The following SLC8A1 variants were observed in gnomAD, a reference collection of about 807,000 sequenced individuals.
SLC8A1 encodes the protein sodium/calcium exchanger 1.
In SLC8A1, 18 loss-of-function variants were observed where a neutral mutation model predicts 68.3. The observed-to-expected ratio is 0.26, with a 90% CI of 0.18 to 0.39. The LOEUF is 0.39. Ranked by LOEUF, SLC8A1 falls within the 10% of genes least tolerant of loss-of-function variation. SLC8A1 has a pLI of 1.00. For missense variants in SLC8A1, 985 were observed against 1,156.7 expected (o/e 0.85, Z 2.15); for synonymous variants, 475 against 415.5 (o/e 1.14, Z -1.74).
intron 2 of SLC8A1, among the ~76,000 whole-genome samples, chr2:40,182,528 T>G (rs408662): frequency 0.11 from 16,399 of 152,222 alleles, 1,033 homozygotes; most frequent in Middle Eastern, 0.19. Flanking sequence ...AAAGATCAAT[T>G]TATTCAGTGG....
intron 2 of SLC8A1, among the ~76,000 whole-genome samples, chr2:40,278,120 A>C (rs1164817064): frequency 3.3e-5 from 5 of 152,030 alleles, no homozygotes; most frequent in Admixed American, 2.0e-4. Flanking sequence ...CTTTTAATAT[A>C]CAATGGTTAT....
intron 2 of SLC8A1, among the ~76,000 whole-genome samples, chr2:40,382,916 C>T (rs1387929563): frequency 6.6e-6 from 1 of 152,098 alleles, no homozygotes; most frequent in East Asian, 1.9e-4. Context: ...TTGGTTGATT[C>T]ATTCATTAAT....
chr2:40,377,887 C>A lies in SLC8A1; in HGVS notation c.1808+50586G>T, dbSNP rs932535366. Among the ~76,000 whole-genome samples the A allele has an allele frequency of 9.9e-5, 15 of 152,118 alleles. 1 individual carries two copies. Among genetic ancestry groups the A allele is most frequent in the African/African-American group, 2.4e-5 (1 of 41,430 alleles). On this transcript the variant is annotated intron_variant, in intron 2 of 7. Coordinates refer to ENST00000406785, the Ensembl canonical transcript of SLC8A1. ...AGACTGAAATCTTGTGTCCTATGGT[C>A]ATCAATTCAAAATGTTTTTATTTCA... is the stretch of plus-strand genomic sequence containing the variant.
At position 40,175,277 on chromosome 2, in the gene SLC8A1, C is replaced by T. The variant is rs1198554683; in HGVS notation, c.1913-435G>A. Reference sequence around the variant, plus strand: ...AATGCTTACCAAGCTCATTCAATAACAGGGCTGTGAAGGAAACAGACAAAG... The same window carrying T: ...AATGCTTACCAAGCTCATTCAATAATAGGGCTGTGAAGGAAACAGACAAAG... On this transcript the variant is annotated intron_variant, in intron 3 of 7. Coordinates refer to ENST00000406785, the Ensembl canonical transcript of SLC8A1. 7 of 1,612,992 alleles carry T rather than the reference C, an allele frequency of 4.3e-6. No individual in the cohort carries two copies. The African/African-American group carries it at 8.0e-5, about 18-fold the overall frequency.
chr2:40,126,202 C>G (rs778505123), intron 7 of SLC8A1, among the ~76,000 whole-genome samples: 2 of 152,196 alleles, frequency 1.3e-5, no homozygotes, highest in Non-Finnish European at 2.9e-5. Context: ...GATAACACAT[C>G]TACGCTGACT....
chr2:40,288,849 A>ATATATATATG (rs1553476848), intron 2 of SLC8A1, among the ~76,000 whole-genome samples: 1 of 138,760 alleles, frequency 7.2e-6, no homozygotes, highest in African/African-American at 2.9e-5. Flanking sequence ...ATATATATAT[A>ATATATATATG]TATGTATATA....
chr2:40,443,860 G>A (rs979188653), intron 1 of SLC8A1, among the ~76,000 whole-genome samples: 8 of 152,152 alleles, frequency 5.3e-5, no homozygotes, highest in African/African-American at 1.7e-4. Context: ...TATAACACCT[G>A]TCCATCTGTG....
intron 2 of SLC8A1, among the ~76,000 whole-genome samples, chr2:40,284,322 CATAT>C (rs1214864946): frequency 2.7e-5 from 4 of 145,998 alleles, no homozygotes; most frequent in African/African-American, 9.9e-5. Context: ...TAGATATTGA[CATAT>C]ATATAGATCT....
At chr2:40,415,800 G>T (rs1400234948) in intron 2 of SLC8A1, among the ~76,000 whole-genome samples, 1 of 150,966 alleles carries the variant, frequency 6.6e-6, no homozygotes, top group Non-Finnish European at 1.5e-5. Context: ...TCACACCTGA[G>T]GTCCGGAGTT....
chr2:40,510,682 G>A (rs1706664325), intron 1 of SLC8A1, among the ~76,000 whole-genome samples: 3 of 151,928 alleles, frequency 2.0e-5, no homozygotes, highest in Admixed American at 2.0e-4. Context: ...AAAAAAAGAA[G>A]GCATAGTTTA....
rs556342652 is a variant in SLC8A1, at chr2:40,416,339, T to A, written c.1808+12134A>T. On this transcript the variant is annotated intron_variant, in intron 2 of 7. Transcript: ENST00000406785. ...TAACATATATAATTCTACAAGTTCA[T>A]AACTTATCAAGACTCACTAAGAAAC... Among the ~76,000 whole-genome samples the A allele has an allele frequency of 1.2e-4, 19 of 152,292 alleles. No individual in the cohort carries two copies. The South Asian group carries it at 3.5e-3, about 28-fold the overall frequency.
At chr2:40,444,887 T>A (rs955496396) in intron 1 of SLC8A1, among the ~76,000 whole-genome samples, 14 of 152,162 alleles carry the variant, frequency 9.2e-5, no homozygotes, top group African/African-American at 2.9e-4. Flanking sequence ...TCTGGGCATT[T>A]AAAAAATCAG....
intron 6 of SLC8A1, among the ~76,000 whole-genome samples, chr2:40,140,728 T>A (rs1445379981): frequency 2.0e-5 from 3 of 152,268 alleles, no homozygotes; most frequent in African/African-American, 7.2e-5. Flanking sequence ...GTGTCCCTGC[T>A]GTTTGATACC....
chr2:40,165,590 C>G (rs1333247010), intron 4 of SLC8A1, among the ~76,000 whole-genome samples: 2 of 152,176 alleles, frequency 1.3e-5, no homozygotes, highest in African/African-American at 4.8e-5. Context: ...CTGCTTCAGT[C>G]TGGTGCAAAG....
intron 1 of SLC8A1, among the ~76,000 whole-genome samples, chr2:40,488,816 A>G (rs1222588229): frequency 6.6e-6 from 1 of 152,014 alleles, no homozygotes; most frequent in Non-Finnish European, 1.5e-5. Flanking sequence ...ATAATTCTTA[A>G]TATCTTTATT....
chr2:40,464,889 C>T (rs1176056722), intron 1 of SLC8A1, among the ~76,000 whole-genome samples: 2 of 152,096 alleles, frequency 1.3e-5, no homozygotes, highest in African/African-American at 2.4e-5. Flanking sequence ...TCCAACCACA[C>T]TGATTAGATA....
intron 2 of SLC8A1, among the ~76,000 whole-genome samples, chr2:40,301,823 G>A (rs1332032716): frequency 6.6e-6 from 1 of 152,116 alleles, no homozygotes; most frequent in Non-Finnish European, 1.5e-5. Context: ...GGTGATTTGT[G>A]AGATTTTGGT....
chr2:40,400,522 G>C (rs910120676), intron 2 of SLC8A1, among the ~76,000 whole-genome samples: 2 of 152,136 alleles, frequency 1.3e-5, no homozygotes, highest in Middle Eastern at 3.2e-3. Context: ...CTAATCTTTT[G>C]TTTTCTCTTG....
intron 2 of SLC8A1, among the ~76,000 whole-genome samples, chr2:40,395,629 A>G (rs1443307758): frequency 6.6e-6 from 1 of 152,140 alleles, no homozygotes; most frequent in South Asian, 2.1e-4. Flanking sequence ...TTACTGTTCT[A>G]AGAGAGGAAA....
Sources: gnomAD v4.1 joint callset for allele counts (sites outside exome capture counted in the v4.1 genomes callset) on GRCh38, gnomAD v4.1.1 for gene constraint, MANE v1.5 for transcripts, NCBI Gene and HGNC (gene_info 2026-07-23, HGNC 2026-07-21) for gene names.